The following ZNF460 variants were observed in gnomAD, a reference collection of about 807,000 sequenced individuals.
The protein encoded by ZNF460 is zinc finger protein 460, also known as zinc finger protein 272.
ZNF460 carries 1 observed loss-of-function variant against 8.4 expected under a neutral mutation model. That is an observed-to-expected ratio of 0.12 (90% CI 0.04 to 0.56). The LOEUF (loss-of-function observed/expected upper bound fraction) is 0.56, where lower values mean the gene tolerates loss of function less well. Among genes scored for constraint, ZNF460 ranks in the 20% least tolerant of loss-of-function variants. The probability of loss-of-function intolerance (pLI) is 0.91; values close to 1 mark genes in which losing one functional copy is unlikely to be tolerated. For synonymous variants in ZNF460, 262 were observed against 259.9 expected, an observed-to-expected ratio of 1.01 and a Z score of -0.08; for missense variants, 477 against 714.8, an observed-to-expected ratio of 0.67 and a Z score of 3.79.
At chr19:57,283,917 T>C (rs983962323) in intron 1 of ZNF460, among the ~76,000 whole-genome samples, 4 of 152,018 alleles carry the variant, frequency 2.6e-5, no homozygotes, top group Admixed American at 2.6e-4. Flanking sequence ...TTTCAGGAAT[T>C]TGGTTTTAAA....
At chr19:57,287,194 T>A (rs1460203143) in intron 2 of ZNF460, among the ~76,000 whole-genome samples, 2 of 152,210 alleles carry the variant, frequency 1.3e-5, no homozygotes, top group African/African-American at 4.8e-5. Context: ...CTTTTGATCA[T>A]CATGTCTGTG....
At position 57,280,788 on chromosome 19, in the gene ZNF460, G is replaced by C; in HGVS notation, c.-19G>C. On this transcript the variant is annotated 5_prime_UTR_variant, in exon 1 of 3. Transcript: ENST00000360338. ...GGACAGAGAAGGGCTGTGGTCGGCT[G>C]ATCCGCGGCATTCCCGGGATGGCGG... is the stretch of plus-strand genomic sequence containing the variant. 6.2e-7 allele frequency: 1 copy of C among 1,614,012 alleles called. No homozygotes were observed. The highest frequency in any genetic ancestry group is 8.5e-7 in the Non-Finnish European group (1 of 1,179,948).
Position 57,292,495 on chromosome 19 carries a change from A to T in ZNF460, c.*265A>T, listed in dbSNP as rs1479348805. 1 of 397,894 alleles carries T rather than the reference A, an allele frequency of 2.5e-6. No homozygotes were observed. Among genetic ancestry groups the T allele is most frequent in the Non-Finnish European group, 4.6e-6 (1 of 219,624 alleles). The allele number at this position is 397,894 out of a possible 1,614,324, so 24.6% of individuals were successfully genotyped here. ...CTACATCTGATAATTCACCCATGAA[A>T]GAGACCCAGTGGTTACTGTGCACTT... On this transcript the variant is annotated 3_prime_UTR_variant, in exon 3 of 3. Coordinates refer to ENST00000360338, the MANE Select transcript of ZNF460 (RefSeq NM_006635.4).
chr19:57,285,137 T>G (rs2087870291), intron 2 of ZNF460, among the ~76,000 whole-genome samples: 1 of 152,150 alleles, frequency 6.6e-6, no homozygotes, highest in Non-Finnish European at 1.5e-5. Context: ...ACTCACCTTA[T>G]TCTTCCTGAT....
rs761225782 is a variant in ZNF460, at chr19:57,291,402, G to A, written c.861G>A (p.Lys287=). 53 of 1,613,896 alleles carry A rather than the reference G, an allele frequency of 3.3e-5. No homozygotes were observed. Among genetic ancestry groups the A allele is most frequent in the Non-Finnish European group, 4.4e-5 (52 of 1,179,934 alleles). Residue 287 remains lysine, a synonymous_variant, in exon 3 of 3, where the codon AAG becomes AAA. Transcript: ENST00000360338. The surrounding 1 kb of genome is among the most constrained non-coding windows in gnomAD (Gnocchi z 8.4). ...EKPFVCNECG[K]AFTYRSNFVL... The stretch of plus-strand genomic sequence containing the variant: ...CTTTTGTGTGCAATGAATGTGGAAA[G>A]GCCTTTACCTACCGCTCCAATTTTG...
intron 1 of ZNF460, among the ~76,000 whole-genome samples, chr19:57,284,306 A>G (rs182510254): frequency 1.3e-4 from 20 of 151,566 alleles, no homozygotes; most frequent in African/African-American, 4.1e-4. Flanking sequence ...GCTCACTGCA[A>G]TCTCCGCCTC....
Position 57,284,689 on chromosome 19 carries a change from C to G in ZNF460, c.157+12C>G. 1 of 1,572,716 alleles carries G rather than the reference C, an allele frequency of 6.4e-7. No individual in the cohort carries two copies. Among genetic ancestry groups the G allele is most frequent in the Non-Finnish European group, 8.6e-7 (1 of 1,161,700 alleles). ...TCTGGTCGCACTGGGTAAGGCCTGT[C>G]CTCTCCTCTCCAAAATCAGGGGCAC... On this transcript the variant is annotated intron_variant, in intron 2 of 2. Transcript: ENST00000360338.
Position 57,291,662 on chromosome 19 carries a change from C to T in ZNF460, c.1121C>T (p.Thr374Ile), listed in dbSNP as rs754527374. The change falls in exon 3 of 3, where the codon ACT becomes ATT. Residue 374 changes from threonine to isoleucine, a missense_variant. Transcript: ENST00000360338. This position sits in a 1 kb window ranked among gnomAD's most constrained non-coding sequence, Gnocchi z 8.4. Reference protein sequence around the residue: ...FVCSQCGKAFTHYSTYVLHER... With the variant: ...FVCSQCGKAFIHYSTYVLHER... The stretch of plus-strand genomic sequence containing the variant: ...TGCAGTCAATGTGGAAAGGCCTTCA[C>T]TCACTATTCCACCTATGTCCTGCAT... The T allele has an allele frequency of 6.2e-6, 10 of 1,613,856 alleles. No individual in the cohort carries two copies. The South Asian group carries it at 8.8e-5, about 14-fold the overall frequency.
At chr19:57,289,214 A>G (rs1035501945) in intron 2 of ZNF460, among the ~76,000 whole-genome samples, 8 of 152,060 alleles carry the variant, frequency 5.3e-5, no homozygotes, top group African/African-American at 1.9e-4. Context: ...AGTGGATTCT[A>G]TATGTCTACC....
At chr19:57,286,974 A>AG (rs1300368949) in intron 2 of ZNF460, among the ~76,000 whole-genome samples, 1 of 151,988 alleles carries the variant, frequency 6.6e-6, no homozygotes, top group East Asian at 1.9e-4. Flanking sequence ...AAAAAAAAAA[A>AG]AAAAAAAAGT....
chr19:57,289,337 G>A (rs911252513), intron 2 of ZNF460, among the ~76,000 whole-genome samples: 3 of 152,076 alleles, frequency 2.0e-5, no homozygotes, highest in African/African-American at 2.4e-5. Context: ...GCCCCTTCCT[G>A]TCTCTGAATC....
At chr19:57,283,875 G>A (rs2087860128) in intron 1 of ZNF460, among the ~76,000 whole-genome samples, 1 of 152,058 alleles carries the variant, frequency 6.6e-6, no homozygotes, top group Non-Finnish European at 1.5e-5. Flanking sequence ...ATGAAATGAG[G>A]TCCCCAAGGT....
Position 57,291,018 on chromosome 19 carries a change from T to G in ZNF460, c.477T>G (p.Val159=). Residue 159 remains valine, a synonymous_variant, in exon 3 of 3, where the codon GTT becomes GTG. Transcript: ENST00000360338. The surrounding 1 kb of genome is among the most constrained non-coding windows in gnomAD (Gnocchi z 8.4). ...ALYGFDSYGP[V]TDSLIHEGEN... is the part of the protein sequence containing the mutation. ...ATGGATTTGACTCATATGGACCAGT[T>G]ACAGATTCCTTGATTCATGAAGGGG... 1 of 1,614,212 alleles carries G rather than the reference T, an allele frequency of 6.2e-7. No individual in the cohort carries two copies. The highest frequency in any genetic ancestry group is 8.5e-7 in the Non-Finnish European group (1 of 1,180,042).
At chr19:57,287,520 A>G (rs996135992) in intron 2 of ZNF460, among the ~76,000 whole-genome samples, 2 of 152,060 alleles carry the variant, frequency 1.3e-5, no homozygotes, top group African/African-American at 4.8e-5. Flanking sequence ...ATGGAGTCTC[A>G]CTATGTTGCC....
intron 2 of ZNF460, among the ~76,000 whole-genome samples, chr19:57,287,357 A>C (rs2087887017): frequency 6.6e-6 from 1 of 152,128 alleles, no homozygotes; most frequent in African/African-American, 2.4e-5. Flanking sequence ...TGCTGAGAGT[A>C]TTATTGTTCA....
At chr19:57,283,136 T>A (rs918385593) in intron 1 of ZNF460, among the ~76,000 whole-genome samples, 2 of 126,126 alleles carry the variant, frequency 1.6e-5, no homozygotes, top group Non-Finnish European at 3.3e-5. Flanking sequence ...TTTGCCTCAG[T>A]GTTTGTTTGT....
intron 1 of ZNF460, among the ~76,000 whole-genome samples, chr19:57,283,265 G>T (rs150883649): frequency 1.3e-5 from 2 of 151,622 alleles, no homozygotes; most frequent in Non-Finnish European, 2.9e-5. Context: ...CGCCTCCGAC[G>T]TTCAAGCGAT....
rs968896894 is a variant in ZNF460 at position 57,280,803 on chromosome 19, C to T, written c.-4C>T. On this transcript the variant is annotated 5_prime_UTR_variant, in exon 1 of 3. Coordinates refer to ENST00000360338, the MANE Select transcript of ZNF460 (RefSeq NM_006635.4). The stretch of plus-strand genomic sequence containing the variant: ...GTGGTCGGCTGATCCGCGGCATTCC[C>T]GGGATGGCGGCGGCGTGGATGGCTC... 1.2e-6 allele frequency: 2 copies of T among 1,613,948 alleles called. No individual in the cohort carries two copies. Among genetic ancestry groups the T allele is most frequent in the Non-Finnish European group, 1.7e-6 (2 of 1,180,004 alleles).
rs1268168916 is a variant in ZNF460 at position 57,290,945 on chromosome 19, T to C, written c.404T>C (p.Ile135Thr). The C allele has an allele frequency of 6.2e-7, 1 of 1,614,246 alleles. No individual in the cohort carries two copies. The highest frequency in any genetic ancestry group is 8.5e-7 in the Non-Finnish European group (1 of 1,180,050). The change falls in exon 3 of 3, where the codon ATT (isoleucine) becomes ACT (threonine). Residue 135 changes from isoleucine (I) to threonine (T), a missense_variant. Transcript: ENST00000360338. ...EHEGLATADGICSMMIQNQVS... is the reference protein window; with the variant it reads ...EHEGLATADGTCSMMIQNQVS... ...GAAGGTTTGGCGACAGCTGATGGTA[T>C]TTGTTCAATGATGATACAGAACCAA...
Sources: allele counts gnomAD v4.1 joint callset (sites outside exome capture counted in the v4.1 genomes callset), GRCh38; gene constraint gnomAD v4.1.1; non-coding constraint Gnocchi (gnomAD v3.1); transcripts MANE v1.5; gene names NCBI Gene and HGNC (gene_info 2026-07-23, HGNC 2026-07-21).